FANCC: variants seen among roughly 807,000 people sequenced by gnomAD.
FANCC encodes Fanconi anemia group C protein.
A neutral mutation model predicts 71.3 loss-of-function variants in FANCC; 55 were observed. The observed-to-expected ratio is 0.77, with a 90% CI of 0.62 to 0.97. The LOEUF (loss-of-function observed/expected upper bound fraction) is 0.97, where lower values mean the gene tolerates loss of function less well. Ranked by LOEUF, FANCC falls within the 50% of genes least tolerant of loss-of-function variation. FANCC has a pLI of 0.00. For missense variants in FANCC, 678 were observed against 670.9 expected (o/e 1.01, Z -0.12); for synonymous variants, 275 against 244.9 (o/e 1.12, Z -1.15).
intron 1 of FANCC, among the ~76,000 whole-genome samples, chr9:95,295,624 C>T (rs1588432299): frequency 6.6e-6 from 1 of 152,022 alleles, no homozygotes; most frequent in Non-Finnish European, 1.5e-5. Context: ...AAAAATTAGC[C>T]AGGCAGGATG....
At chr9:95,143,806 C>CA (rs1221193050) in intron 7 of FANCC, among the ~76,000 whole-genome samples, 23 of 152,204 alleles carry the variant, frequency 1.5e-4, no homozygotes, top group African/African-American at 5.5e-4. Context: ...AGGTTTTATG[C>CA]CGTCTTTAGC....
intron 4 of FANCC, among the ~76,000 whole-genome samples, chr9:95,210,647 T>TA (rs1828439361): frequency 6.6e-6 from 1 of 152,176 alleles, no homozygotes; most frequent in Admixed American, 6.5e-5. Context: ...TTGCCCAGGG[T>TA]AATAAGTAGT....
intron 4 of FANCC, among the ~76,000 whole-genome samples, chr9:95,185,620 A>G (rs1826662252): frequency 6.6e-6 from 1 of 152,224 alleles, no homozygotes; most frequent in Admixed American, 6.5e-5. Context: ...CACTCTTATT[A>G]GGGCACGACA....
chr9:95,108,790 T>C (rs1056715179), intron 13 of FANCC, among the ~76,000 whole-genome samples: 8 of 152,248 alleles, frequency 5.3e-5, no homozygotes, highest in African/African-American at 1.9e-4. Flanking sequence ...TTGTCTTTTT[T>C]CTACGCACTG....
At chr9:95,235,131 T>C (rs886300525) in intron 4 of FANCC, among the ~76,000 whole-genome samples, 1 of 152,108 alleles carries the variant, frequency 6.6e-6, no homozygotes, top group Non-Finnish European at 1.5e-5. Flanking sequence ...ACAAAACCAA[T>C]GGAGAGATGC....
At chr9:95,151,731 C>T (rs1214029805) in intron 6 of FANCC, among the ~76,000 whole-genome samples, 1 of 151,982 alleles carries the variant, frequency 6.6e-6, no homozygotes, top group Non-Finnish European at 1.5e-5. Context: ...AGTTTAAGAC[C>T]AGCACAGGTA....
chr9:95,169,958 T>G (rs1825558237), intron 6 of FANCC, among the ~76,000 whole-genome samples: 1 of 152,212 alleles, frequency 6.6e-6, no homozygotes, highest in South Asian at 2.1e-4. Context: ...TGCAAGTCAT[T>G]TCTATATTTT....
intron 10 of FANCC, among the ~76,000 whole-genome samples, chr9:95,118,529 T>C (rs2072613069): frequency 6.6e-6 from 1 of 152,210 alleles, no homozygotes; most frequent in African/African-American, 2.4e-5. Context: ...TGAAGACACA[T>C]TTCTATCACG....
At chr9:95,206,967 G>A (rs1373763482) in intron 4 of FANCC, among the ~76,000 whole-genome samples, 1 of 152,108 alleles carries the variant, frequency 6.6e-6, no homozygotes. Context: ...AAAAAGAGGT[G>A]AACTAATGAA....
chr9:95,241,078 G>A (rs1249819553), intron 3 of FANCC, among the ~76,000 whole-genome samples: 4 of 152,242 alleles, frequency 2.6e-5, no homozygotes, highest in African/African-American at 7.2e-5. Flanking sequence ...AAAGCCAAAC[G>A]AGAATGATGG....
intron 4 of FANCC, among the ~76,000 whole-genome samples, chr9:95,192,669 G>A (rs1827189096): frequency 6.6e-6 from 1 of 152,134 alleles, no homozygotes; most frequent in South Asian, 2.1e-4. Context: ...TATTATTGAA[G>A]CAACAGAAAA....
Position 95,171,154 on chromosome 9 carries a change from A to C in FANCC, c.457-11T>G, listed in dbSNP as rs1218182366. The C allele has an allele frequency of 6.2e-7, 1 of 1,609,872 alleles. No individual in the cohort carries two copies. Among genetic ancestry groups the C allele is most frequent in the South Asian group, 1.1e-5 (1 of 91,002 alleles). ...TAATGATAAAACCATCTGTAAAACA[A>C]AATCAGTTGCAGGTTAACTCACGCT... is the stretch of plus-strand genomic sequence containing the variant. On this transcript the variant is annotated splice_polypyrimidine_tract_variant and intron_variant, in intron 5 of 14. Coordinates refer to ENST00000289081, the MANE Select transcript of FANCC (RefSeq NM_000136.3).
At chr9:95,137,698 G>C (rs1023197221) in intron 7 of FANCC, among the ~76,000 whole-genome samples, 3 of 152,208 alleles carry the variant, frequency 2.0e-5, no homozygotes, top group Admixed American at 2.0e-4. Flanking sequence ...CTCCGGGAGA[G>C]GAATTGGCTG....
chr9:95,314,391 C>A (rs1239622263), intron 1 of FANCC, among the ~76,000 whole-genome samples: 1 of 152,164 alleles, frequency 6.6e-6, no homozygotes, highest in Non-Finnish European at 1.5e-5. Context: ...CAGTGACTCA[C>A]GCCTGTAATC....
intron 13 of FANCC, among the ~76,000 whole-genome samples, chr9:95,108,210 G>C (rs1446155281): frequency 2.0e-5 from 3 of 152,122 alleles, no homozygotes. Context: ...TGGGTGTGTT[G>C]TGTGAGCTCC....
At chr9:95,284,176 G>A (rs994716410) in intron 1 of FANCC, among the ~76,000 whole-genome samples, 4 of 152,158 alleles carry the variant, frequency 2.6e-5, no homozygotes, top group African/African-American at 9.7e-5. Flanking sequence ...CGGCAAAACT[G>A]TTCACAAAAG....
chr9:95,314,375 C>T (rs553157359), intron 1 of FANCC, among the ~76,000 whole-genome samples: 17 of 152,092 alleles, frequency 1.1e-4, no homozygotes, highest in Non-Finnish European at 2.2e-4. Flanking sequence ...TGCTTTCGGC[C>T]GGGCGCAGTG....
chr9:95,192,800 T>C (rs1389745625), intron 4 of FANCC, among the ~76,000 whole-genome samples: 1 of 152,224 alleles, frequency 6.6e-6, no homozygotes, highest in African/African-American at 2.4e-5. Context: ...CTTTTTCCTA[T>C]ACGGTTTCAT....
chr9:95,212,669 A>G (rs1048322955), intron 4 of FANCC, among the ~76,000 whole-genome samples: 27 of 152,244 alleles, frequency 1.8e-4, no homozygotes, highest in African/African-American at 6.3e-4. Flanking sequence ...GAGAGTGCTG[A>G]AAAGGGAGAA....
Sources: allele counts gnomAD v4.1 joint callset (sites outside exome capture counted in the v4.1 genomes callset), GRCh38; gene constraint gnomAD v4.1.1; transcripts MANE v1.5; gene names NCBI Gene and HGNC (gene_info 2026-07-23, HGNC 2026-07-21).